Variants in SH3RF3 observed in about 807,000 individuals in gnomAD.
SH3RF3 encodes the protein SH3 domain containing ring finger 3, also known as E3 ubiquitin-protein ligase SH3RF3.
In SH3RF3, 29 loss-of-function variants were observed where a neutral mutation model predicts 66.3. That is an observed-to-expected ratio of 0.44 (90% CI 0.33 to 0.60). The LOEUF (loss-of-function observed/expected upper bound fraction) is 0.60, where lower values mean the gene tolerates loss of function less well. Ranked by LOEUF, SH3RF3 falls within the 20% of genes least tolerant of loss-of-function variation. The probability of loss-of-function intolerance (pLI) is 0.04; values close to 1 mark genes in which losing one functional copy is unlikely to be tolerated. For missense variants in SH3RF3, 1,194 were observed against 1,190.9 expected, an observed-to-expected ratio of 1.00 and a Z score of -0.04; for synonymous variants, 583 against 532.0, an observed-to-expected ratio of 1.10 and a Z score of -1.32.
At chr2:109,268,915 A>G (rs1466029415) in intron 1 of SH3RF3, among the ~76,000 whole-genome samples, 4 of 152,092 alleles carry the variant, frequency 2.6e-5, no homozygotes, top group African/African-American at 9.7e-5. Context: ...TCAAAATGTA[A>G]CCCCATTATA....
At chr2:109,372,905 A>C (rs1251542809) in intron 3 of SH3RF3, among the ~76,000 whole-genome samples, 1 of 152,232 alleles carries the variant, frequency 6.6e-6, no homozygotes, top group Non-Finnish European at 1.5e-5. Flanking sequence ...GTTTGTTTAA[A>C]ACATCTGTCA....
At chr2:109,422,951 G>A (rs934417331) in intron 5 of SH3RF3, among the ~76,000 whole-genome samples, 2 of 152,142 alleles carry the variant, frequency 1.3e-5, no homozygotes, top group Non-Finnish European at 2.9e-5. Flanking sequence ...GCATCAGACC[G>A]ACACGCCTGG....
At chr2:109,372,335 G>T (rs1481975338) in intron 3 of SH3RF3, among the ~76,000 whole-genome samples, 2 of 152,230 alleles carry the variant, frequency 1.3e-5, no homozygotes, top group African/African-American at 4.8e-5. Flanking sequence ...GCCTGGGGCT[G>T]TGTGTGTATG....
At chr2:109,441,284 A>G (rs942766812) in intron 7 of SH3RF3, among the ~76,000 whole-genome samples, 9 of 152,220 alleles carry the variant, frequency 5.9e-5, no homozygotes, top group African/African-American at 2.2e-4. Flanking sequence ...ATTGACATAG[A>G]TGTTGCAAAG....
chr2:109,138,026 C>CT lies in SH3RF3; in HGVS notation c.573+7922dup, dbSNP rs199953327. 9.7e-3 allele frequency among the ~76,000 whole-genome samples: 1,466 copies of CT among 151,694 alleles called. 36 individuals carry two copies. The highest frequency in any genetic ancestry group is 0.033 in the African/African-American group (1,368 of 41,344). ...ACATTTATTTCGCAGATCAAAATTT[C>CT]TTTTTTTTTGAGACAGTCTTGCTCT... On this transcript the variant is annotated intron_variant, in intron 1 of 9. Transcript: ENST00000309415.
intron 1 of SH3RF3, among the ~76,000 whole-genome samples, chr2:109,147,479 A>G (rs558667946): frequency 1.4e-3 from 216 of 152,274 alleles, no homozygotes; most frequent in Non-Finnish European, 2.6e-3. Context: ...TCCATCTACC[A>G]CTTGGTCAAC....
chr2:109,363,747 G>T (rs967388144), intron 2 of SH3RF3, among the ~76,000 whole-genome samples: 61 of 152,008 alleles, frequency 4.0e-4, no homozygotes, highest in African/African-American at 1.4e-3. Context: ...ATTCTAGGTT[G>T]GTAGGTTTTT....
intron 1 of SH3RF3, among the ~76,000 whole-genome samples, chr2:109,195,818 C>T (rs1289138703): frequency 1.3e-5 from 2 of 152,158 alleles, no homozygotes; most frequent in Non-Finnish European, 2.9e-5. Flanking sequence ...TTTTAAATAC[C>T]TGCTGATTTG....
chr2:109,372,236 A>C (rs1195082374), intron 3 of SH3RF3, among the ~76,000 whole-genome samples: 1 of 152,242 alleles, frequency 6.6e-6, no homozygotes, highest in Non-Finnish European at 1.5e-5. Context: ...CCTTTTCTGT[A>C]ACTAAAGCAC....
intron 8 of SH3RF3, among the ~76,000 whole-genome samples, chr2:109,450,403 C>T (rs74953427): frequency 0.035 from 5,332 of 152,130 alleles, 151 homozygotes; most frequent in African/African-American, 0.068. Flanking sequence ...TTCCGGTTGC[C>T]ACCCTGCTAG....
chr2:109,343,203 A>T (rs1348148448), intron 1 of SH3RF3, among the ~76,000 whole-genome samples: 1 of 152,146 alleles, frequency 6.6e-6, no homozygotes, highest in African/African-American at 2.4e-5. Flanking sequence ...TGCCTGCCTT[A>T]GGCCCCTTCC....
intron 1 of SH3RF3, among the ~76,000 whole-genome samples, chr2:109,288,730 A>C (rs1414128009): frequency 6.6e-6 from 1 of 152,198 alleles, no homozygotes; most frequent in Non-Finnish European, 1.5e-5. Flanking sequence ...TCTTAGGAAC[A>C]TGGGTAAAAG....
At chr2:109,130,207 C>A in intron 1 of SH3RF3, 94 bp downstream of exon 1, 3 of 1,158,590 alleles carry the variant, frequency 2.6e-6, no homozygotes, top group Non-Finnish European at 3.3e-6. Flanking sequence ...GCGGAGGAGA[C>A]CACGGGTGGT....
At chr2:109,385,604 G>A (rs907587487) in intron 3 of SH3RF3, among the ~76,000 whole-genome samples, 2 of 152,364 alleles carry the variant, frequency 1.3e-5, no homozygotes, top group Admixed American at 1.3e-4. Context: ...GCGCTTTTGG[G>A]AAAGGGACAA....
chr2:109,181,066 C>G (rs1678061854), intron 1 of SH3RF3, among the ~76,000 whole-genome samples: 1 of 152,224 alleles, frequency 6.6e-6, no homozygotes, highest in African/African-American at 2.4e-5. Flanking sequence ...ACACACAGTA[C>G]TCACAGACCC....
chr2:109,501,475 G>T (rs781703457), intron 9 of SH3RF3, 28 bp from the exon 10 acceptor site: 3 of 767,840 alleles, frequency 3.9e-6, no homozygotes, highest in Non-Finnish European at 7.3e-6. Context: ...TGTCTGTGTG[G>T]GGCTCACCCA....
intron 1 of SH3RF3, among the ~76,000 whole-genome samples, chr2:109,149,324 G>C (rs918540429): frequency 6.6e-6 from 1 of 152,198 alleles, no homozygotes; most frequent in African/African-American, 2.4e-5. Context: ...TCTTTGGCTT[G>C]ACTTGAGCTC....
chr2:109,473,481 G>C (rs1190994463), intron 8 of SH3RF3, among the ~76,000 whole-genome samples: 1 of 152,186 alleles, frequency 6.6e-6, no homozygotes, highest in Non-Finnish European at 1.5e-5. Context: ...TAAAATAGCA[G>C]ATATAGGTGA....
At chr2:109,239,251 G>A (rs528580373) in intron 1 of SH3RF3, among the ~76,000 whole-genome samples, 1 of 152,182 alleles carries the variant, frequency 6.6e-6, no homozygotes, top group South Asian at 2.1e-4. Context: ...CAGCTCACCT[G>A]GGTTTCTCAC....
Sources: gnomAD v4.1 joint callset for allele counts (sites outside exome capture counted in the v4.1 genomes callset) on GRCh38, gnomAD v4.1.1 for gene constraint, MANE v1.5 for transcripts, NCBI Gene and HGNC (gene_info 2026-07-23, HGNC 2026-07-21) for gene names.